The following SLC9A7 variants were observed in gnomAD, a reference collection of about 807,000 sequenced individuals.
SLC9A7 encodes the protein sodium/hydrogen exchanger 7.
SLC9A7 carries 19 observed loss-of-function variants against 52.6 expected under a neutral mutation model. That is an observed-to-expected ratio of 0.36 (90% CI 0.25 to 0.53). The LOEUF (loss-of-function observed/expected upper bound fraction) is 0.53. SLC9A7 is among the 20% of genes least tolerant of loss of function. The pLI, the probability that SLC9A7 is intolerant of heterozygous loss-of-function variation, is 0.91. For synonymous variants in SLC9A7, 226 were observed against 252.1 expected (o/e 0.90, Z 0.98); for missense variants, 455 against 597.9 (o/e 0.76, Z 2.49).
At chrX:46,637,582 C>G (rs1057421999) in intron 12 of SLC9A7, among the ~76,000 whole-genome samples, 2 of 111,567 alleles carry the variant, frequency 1.8e-5, no homozygotes, top group African/African-American at 6.5e-5. Context: ...CCACCGCCCC[C>G]CCAACCCACT....
intron 7 of SLC9A7, among the ~76,000 whole-genome samples, chrX:46,656,921 C>G (rs1194808101): frequency 9.6e-6 from 1 of 103,864 alleles, no homozygotes; most frequent in Non-Finnish European, 2.0e-5. Context: ...ACATAATTGT[C>G]AGATTCACCA....
chrX:46,628,698 G>T (rs926593403), intron 14 of SLC9A7, among the ~76,000 whole-genome samples: 1 of 112,201 alleles, frequency 8.9e-6, no homozygotes, highest in Non-Finnish European at 1.9e-5. Context: ...GAGGTAAAGA[G>T]AACCGCCCTT....
intron 12 of SLC9A7, among the ~76,000 whole-genome samples, chrX:46,636,713 T>C (rs918774882): frequency 9.0e-6 from 1 of 110,801 alleles, no homozygotes; most frequent in Non-Finnish European, 1.9e-5. Context: ...CAGAGATGCA[T>C]AGCAGATCTG....
chrX:46,656,368 C>T (rs1392971487), intron 7 of SLC9A7, among the ~76,000 whole-genome samples: 1,980 of 112,507 alleles, frequency 0.018, 43 homozygotes, highest in African/African-American at 0.06. Context: ...CAAAGCTGGA[C>T]AGAGAATGAC....
At chrX:46,617,327 C>CT (rs1352326271) in intron 15 of SLC9A7, among the ~76,000 whole-genome samples, 2 of 111,943 alleles carry the variant, frequency 1.8e-5, no homozygotes, top group Non-Finnish European at 3.8e-5. Context: ...TTTCAACTCT[C>CT]TAAGGATTAA....
intron 1 of SLC9A7, among the ~76,000 whole-genome samples, chrX:46,712,360 A>G (rs185022172): frequency 9.0e-6 from 1 of 111,165 alleles, no homozygotes; most frequent in African/African-American, 3.3e-5. Context: ...AGCATGTCAC[A>G]TGAAGAGAGG....
intron 10 of SLC9A7, among the ~76,000 whole-genome samples, chrX:46,649,099 C>CTATCTATCT (rs1943542263): frequency 3.9e-5 from 2 of 51,393 alleles, no homozygotes; most frequent in African/African-American, 2.0e-4. Flanking sequence ...TCTATCTATC[C>CTATCTATCT]ATCTATCTAA....
In SLC9A7 at chrX:46,648,724, T is replaced by C. The variant is rs1305786015; in HGVS notation, c.1424A>G (p.Lys475Arg). Residue 475 changes from lysine to arginine, a missense_variant, in exon 11 of 17, where the codon AAG (lysine) becomes AGG (arginine). This residue lies in a region of SLC9A7 where 304 missense variants were observed against 417.8 expected (regional missense o/e 0.73). Coordinates refer to ENST00000616978, the MANE Select transcript of SLC9A7 (RefSeq NM_001257291.2). ...CATGTGTTGAAAATTCCAGCCAATCTTATGCCTTCTGCCCAAGTTGAGGAA... is the reference window on the plus strand; with the variant it reads ...CATGTGTTGAAAATTCCAGCCAATCCTATGCCTTCTGCCCAAGTTGAGGAA... ...SFFLNLGRRHKIGWNFQHMMM... is the reference protein window; with the variant it reads ...SFFLNLGRRHRIGWNFQHMMM... 26 of 1,211,198 alleles carry C rather than the reference T, an allele frequency of 2.1e-5. No individual in the cohort carries two copies. The highest frequency in any genetic ancestry group is 2.8e-5 in the Non-Finnish European group (25 of 895,084).
intron 14 of SLC9A7, among the ~76,000 whole-genome samples, chrX:46,630,728 A>C (rs1010730760): frequency 8.9e-6 from 1 of 112,004 alleles, no homozygotes; most frequent in Non-Finnish European, 1.9e-5. Flanking sequence ...TCCCATCCAG[A>C]GGTTATGGTC....
intron 1 of SLC9A7, among the ~76,000 whole-genome samples, chrX:46,719,514 A>G (rs967039386): frequency 1.9e-4 from 21 of 111,959 alleles, no homozygotes; most frequent in Non-Finnish European, 3.2e-4. Flanking sequence ...TATGAGCATA[A>G]TAAATAAAAT....
chrX:46,665,969 C>T (rs923127411), intron 5 of SLC9A7, among the ~76,000 whole-genome samples: 3 of 112,032 alleles, frequency 2.7e-5, no homozygotes, highest in Non-Finnish European at 5.6e-5. Context: ...GTGCAGCCTA[C>T]ACTATCCCAC....
chrX:46,707,010 G>A (rs1432954676), intron 1 of SLC9A7, among the ~76,000 whole-genome samples: 1 of 111,114 alleles, frequency 9.0e-6, no homozygotes, highest in African/African-American at 3.3e-5. Flanking sequence ...CAAAGTGCTG[G>A]GATTACAGCC....
At chrX:46,622,226 T>C (rs1314541284) in intron 14 of SLC9A7, among the ~76,000 whole-genome samples, 2 of 111,293 alleles carry the variant, frequency 1.8e-5, no homozygotes, top group Non-Finnish European at 3.8e-5. Context: ...TGAGGAAATA[T>C]AAACAAGGAG....
At chrX:46,693,919 C>T (rs973773951) in intron 1 of SLC9A7, among the ~76,000 whole-genome samples, 1 of 109,944 alleles carries the variant, frequency 9.1e-6, no homozygotes, top group South Asian at 3.9e-4. Context: ...GAGCTGGAGG[C>T]CATTATCCTA....
At position 46,606,437 on chromosome X, in the gene SLC9A7, T is replaced by A; in HGVS notation, c.*515A>T. On this transcript the variant is annotated 3_prime_UTR_variant, in exon 17 of 17. Transcript: ENST00000616978. Reference sequence around the variant, plus strand: ...TGAGGTTGCAGTCAAGCAGACTTCGTTGCCAGAGCCTCCAAATTGCTTTTT... The same window carrying A: ...TGAGGTTGCAGTCAAGCAGACTTCGATGCCAGAGCCTCCAAATTGCTTTTT... 1.3e-6 allele frequency: 1 copy of A among 757,548 alleles called. No individual in the cohort carries two copies. The highest frequency in any genetic ancestry group is 1.6e-6 in the Non-Finnish European group (1 of 641,265). 62.4% of individuals were successfully genotyped at this position (757,548 alleles called of 1,213,427 possible).
chrX:46,701,988 C>T (rs1944539055), intron 1 of SLC9A7, among the ~76,000 whole-genome samples: 1 of 111,465 alleles, frequency 9.0e-6, no homozygotes, highest in South Asian at 3.8e-4. Context: ...CACTGCTAGA[C>T]TGAATTTGGT....
intron 1 of SLC9A7, among the ~76,000 whole-genome samples, chrX:46,686,755 T>C (rs1313084695): frequency 6.3e-5 from 7 of 111,839 alleles, no homozygotes; most frequent in African/African-American, 1.6e-4. Flanking sequence ...CCAGGGAAAA[T>C]AGCACATAAA....
At chrX:46,669,550 A>T in intron 5 of SLC9A7, 57 bp downstream of exon 5, 1 of 636,881 alleles carries the variant, frequency 1.6e-6, no homozygotes, top group Non-Finnish European at 2.3e-6. Flanking sequence ...CTGAACTTTT[A>T]AAGATTTAAA....
Position 46,604,435 on chromosome X carries a change from T to TTC in SLC9A7, c.*2516_*2517insGA. The TTC allele has an allele frequency of 1.2e-5, 1 of 80,608 alleles. No individual in the cohort carries two copies. Among genetic ancestry groups the TTC allele is most frequent in the East Asian group, 4.1e-4 (1 of 2,432 alleles). 6.6% of individuals were successfully genotyped at this position (80,608 alleles called of 1,213,427 possible). A position where few individuals can be genotyped will look rare whatever the true frequency, so the allele number is the denominator to read the frequency against. ...GGAGAATAAAAATCATTCAACTGTA[T>TTC]TTTTTTTTTTTTTTTGAGGCAGGGT... On this transcript the variant is annotated 3_prime_UTR_variant, in exon 17 of 17. Coordinates refer to ENST00000616978, the MANE Select transcript of SLC9A7 (RefSeq NM_001257291.2).
Sources: allele counts gnomAD v4.1 joint callset (sites outside exome capture counted in the v4.1 genomes callset), GRCh38; gene constraint gnomAD v4.1.1; regional missense constraint gnomAD v4.1.1; transcripts MANE v1.5; gene names NCBI Gene and HGNC (gene_info 2026-07-23, HGNC 2026-07-21).